The following POFUT3 variants were observed in gnomAD, a reference collection of about 807,000 sequenced individuals.
The protein encoded by POFUT3 is GDP-fucose protein O-fucosyltransferase 3.
chr8:33,461,554 G>A, the POFUT3 span: 3 of 1,581,806 alleles, frequency 1.9e-6, no homozygotes, highest in Middle Eastern at 1.7e-4. Flanking sequence ...AACCATCTGG[G>A]CGCCAATTTC....
chr8:33,315,638 T>A, the POFUT3 span, among the ~76,000 whole-genome samples: 2 of 152,148 alleles, frequency 1.3e-5, no homozygotes, highest in Middle Eastern at 3.4e-3. Flanking sequence ...TGGGAACAAA[T>A]GCAAAATGAA....
the POFUT3 span, among the ~76,000 whole-genome samples, chr8:33,340,498 G>A: frequency 1.3e-5 from 2 of 151,710 alleles, no homozygotes; most frequent in African/African-American, 4.8e-5. Flanking sequence ...CCAGCATATA[G>A]GTTTCAAAAT....
At chr8:33,447,670 G>T in the POFUT3 span, among the ~76,000 whole-genome samples, 3,345 of 102,082 alleles carry the variant, frequency 0.033, 61 homozygotes, top group East Asian at 0.1. Flanking sequence ...TTCATCTCTA[G>T]GAAGAAGGAA....
chr8:33,317,534 T>C, the POFUT3 span, among the ~76,000 whole-genome samples: 2 of 152,134 alleles, frequency 1.3e-5, no homozygotes, highest in Non-Finnish European at 2.9e-5. Flanking sequence ...AACCAACGTA[T>C]AACCTCCATA....
the POFUT3 span, among the ~76,000 whole-genome samples, chr8:33,410,886 C>T: frequency 0.014 from 2,142 of 152,274 alleles, 18 homozygotes; most frequent in Non-Finnish European, 0.021. Context: ...GGGGCCCCAA[C>T]ACAGTGCCGT....
chr8:33,436,700 T>A, the POFUT3 span: 2 of 769,456 alleles, frequency 2.6e-6, no homozygotes, highest in South Asian at 3.1e-5. Context: ...AGCTTCACCA[T>A]CCTGACCACA....
At chr8:33,453,326 G>A in the POFUT3 span, 323 of 1,614,164 alleles carry the variant, frequency 2.0e-4, 3 homozygotes, top group East Asian at 4.5e-3. Context: ...CCCCGTCAGC[G>A]GGGACCACCA....
chr8:33,337,944 C>T, the POFUT3 span, among the ~76,000 whole-genome samples: 3 of 152,328 alleles, frequency 2.0e-5, no homozygotes, highest in South Asian at 2.1e-4. Flanking sequence ...TGTTCTCACT[C>T]GGTCTTTCCT....
At chr8:33,403,552 CA>C in the POFUT3 span, among the ~76,000 whole-genome samples, 1 of 151,780 alleles carries the variant, frequency 6.6e-6, no homozygotes, top group Non-Finnish European at 1.5e-5. Context: ...CCTGTCTCTA[CA>C]AAAAAATTTT....
At chr8:33,345,641 T>C in the POFUT3 span, among the ~76,000 whole-genome samples, 1 of 151,758 alleles carries the variant, frequency 6.6e-6, no homozygotes, top group East Asian at 1.9e-4. Context: ...CGTCAAGTGA[T>C]CCGCCCACGT....
chr8:33,432,373 C>G, the POFUT3 span, among the ~76,000 whole-genome samples: 1 of 150,198 alleles, frequency 6.7e-6, no homozygotes, highest in Non-Finnish European at 1.5e-5. Flanking sequence ...CACCACTGCA[C>G]TCCAACCTGG....
At chr8:33,389,685 T>C in the POFUT3 span, 1 of 1,614,172 alleles carries the variant, frequency 6.2e-7, no homozygotes, top group Non-Finnish European at 8.5e-7. Flanking sequence ...AACAAGGTGA[T>C]CACTGGTTTA....
the POFUT3 span, chr8:33,372,140 C>T: frequency 5.1e-6 from 5 of 988,480 alleles, no homozygotes; most frequent in African/African-American, 8.7e-5. Flanking sequence ...TGGGATCTCT[C>T]ATTGCCAAGT....
the POFUT3 span, among the ~76,000 whole-genome samples, chr8:33,385,001 G>T: frequency 6.6e-6 from 1 of 152,100 alleles, no homozygotes; most frequent in Non-Finnish European, 1.5e-5. Context: ...CTCAGAAGAA[G>T]CCAGCCTCAA....
the POFUT3 span, among the ~76,000 whole-genome samples, chr8:33,455,442 T>A: frequency 3.3e-5 from 5 of 152,110 alleles, no homozygotes; most frequent in Non-Finnish European, 5.9e-5. Flanking sequence ...GAGGATCACT[T>A]GAGTCCAGGA....
At chr8:33,435,296 C>A in the POFUT3 span, among the ~76,000 whole-genome samples, 1 of 151,280 alleles carries the variant, frequency 6.6e-6, no homozygotes, top group South Asian at 2.1e-4. Context: ...CAGCTCACTG[C>A]AACTGCCACC....
At chr8:33,402,787 G>A in the POFUT3 span, among the ~76,000 whole-genome samples, 13 of 152,124 alleles carry the variant, frequency 8.5e-5, no homozygotes, top group East Asian at 5.8e-4. Context: ...GGCCAGATTC[G>A]GTGGCTCATG....
At chr8:33,472,716 C>A in the POFUT3 span, among the ~76,000 whole-genome samples, 2 of 152,186 alleles carry the variant, frequency 1.3e-5, no homozygotes, top group African/African-American at 4.8e-5. Context: ...CCGATCGGGG[C>A]AGGCGGGGAG....
At chr8:33,330,319 C>G in the POFUT3 span, among the ~76,000 whole-genome samples, 268 of 152,212 alleles carry the variant, frequency 1.8e-3, no homozygotes, top group African/African-American at 5.9e-3. Context: ...TGGCAGGTGC[C>G]TGTAATCCCA....
Sources: allele counts gnomAD v4.1 joint callset (sites outside exome capture counted in the v4.1 genomes callset), GRCh38; gene constraint gnomAD v4.1.1; transcripts MANE v1.5; gene names NCBI Gene and HGNC (gene_info 2026-07-23, HGNC 2026-07-21).